The following DAGLB variants were observed in gnomAD, a reference collection of about 807,000 sequenced individuals.
DAGLB encodes diacylglycerol lipase beta, also known as diacylglycerol lipase-beta.
DAGLB carries 66 observed loss-of-function variants against 72.1 expected under a neutral mutation model. The ratio of observed to expected loss-of-function variants is 0.92; its 90% confidence interval spans 0.75 to 1.12. The LOEUF (loss-of-function observed/expected upper bound fraction) is 1.12, where lower values mean the gene tolerates loss of function less well. DAGLB is among the 50% of genes most tolerant of loss of function. The pLI, the probability that DAGLB is intolerant of heterozygous loss-of-function variation, is 0.00. For missense variants in DAGLB, 1,065 were observed against 884.9 expected (o/e 1.20, Z -2.58); for synonymous variants, 414 against 359.5 (o/e 1.15, Z -1.71).
At chr7:6,415,645 C>T (rs1342872354) in intron 11 of DAGLB, among the ~76,000 whole-genome samples, 1 of 151,350 alleles carries the variant, frequency 6.6e-6, no homozygotes, top group African/African-American at 2.4e-5. Flanking sequence ...GAGATCGAGA[C>T]CATCCTGGCT....
At chr7:6,424,725 G>T (rs1320865763) in intron 8 of DAGLB, 27 bp downstream of exon 8, 1 of 1,611,328 alleles carries the variant, frequency 6.2e-7, no homozygotes, top group East Asian at 2.2e-5. Flanking sequence ...CCACTCCCAG[G>T]GCTGGAAAGT....
At chr7:6,414,581 G>A (rs1783840623) in intron 11 of DAGLB, among the ~76,000 whole-genome samples, 1 of 152,096 alleles carries the variant, frequency 6.6e-6, no homozygotes, top group Non-Finnish European at 1.5e-5. Flanking sequence ...GGTTACAGGT[G>A]TGACCCAACA....
At chr7:6,436,183 G>A (rs948098884) in intron 3 of DAGLB, among the ~76,000 whole-genome samples, 179 bp downstream of exon 3, 2 of 152,026 alleles carry the variant, frequency 1.3e-5, no homozygotes, top group East Asian at 3.9e-4. Context: ...AACGAAAGAC[G>A]AGTTGTATTT....
chr7:6,418,401 GA>G (rs1175799675), intron 9 of DAGLB, among the ~76,000 whole-genome samples: 3 of 150,488 alleles, frequency 2.0e-5, no homozygotes, highest in Non-Finnish European at 3.0e-5. Flanking sequence ...ATAAATAAAA[GA>G]AAAAAAATAA....
At chr7:6,425,959 T>C (rs1784298216) in intron 7 of DAGLB, 29 bp downstream of exon 7, 2 of 1,611,384 alleles carry the variant, frequency 1.2e-6, no homozygotes, top group Non-Finnish European at 8.5e-7. Flanking sequence ...CCAAAAGAAG[T>C]GAAGAGCCGC....
intron 2 of DAGLB, among the ~76,000 whole-genome samples, chr7:6,437,596 T>C (rs904703967): frequency 2.0e-5 from 3 of 152,110 alleles, no homozygotes; most frequent in African/African-American, 4.8e-5. Context: ...CACGCTGAAA[T>C]AGGCCTCATA....
At chr7:6,418,542 C>T (rs767139299) in intron 9 of DAGLB, among the ~76,000 whole-genome samples, 9 of 152,124 alleles carry the variant, frequency 5.9e-5, no homozygotes, top group South Asian at 2.1e-4. Flanking sequence ...GTGCTGGGCT[C>T]GGAGAAAAGC....
intron 2 of DAGLB, among the ~76,000 whole-genome samples, 196 bp from the exon 3 acceptor site, chr7:6,436,729 G>A (rs1295761110): frequency 6.6e-6 from 1 of 152,170 alleles, no homozygotes; most frequent in Non-Finnish European, 1.5e-5. Flanking sequence ...AACGTGACAA[G>A]AAGTCCTGGG....
chr7:6,439,725 A>G (rs987590322), intron 2 of DAGLB, among the ~76,000 whole-genome samples: 1 of 152,172 alleles, frequency 6.6e-6, no homozygotes, highest in African/African-American at 2.4e-5. Flanking sequence ...AAGGTGCAAC[A>G]GTGGGATTTC....
intron 7 of DAGLB, among the ~76,000 whole-genome samples, chr7:6,425,294 T>A (rs957168715): frequency 6.6e-6 from 1 of 151,920 alleles, no homozygotes; most frequent in Non-Finnish European, 1.5e-5. Flanking sequence ...TTTTTTGAGA[T>A]GGCATCTTGC....
chr7:6,415,702 G>A (rs1450185259), intron 11 of DAGLB, among the ~76,000 whole-genome samples: 5 of 151,656 alleles, frequency 3.3e-5, no homozygotes, highest in South Asian at 2.1e-4. Flanking sequence ...AAAATTAGCC[G>A]GGTGTGGTGG....
chr7:6,441,481 G>A (rs1380313195), intron 2 of DAGLB, among the ~76,000 whole-genome samples: 2 of 148,230 alleles, frequency 1.3e-5, no homozygotes, highest in Non-Finnish European at 3.0e-5. Context: ...GCAATGGCGC[G>A]ATCTCGGCTC....
rs1784299040 is a variant in DAGLB at position 6,425,969 on chromosome 7, CT to C, written c.1056+18del. ...AGGACCCAAAAGAAGTGAAGAGCCG[CT>C]GTCTGCAGCGTCCACACCTTGTCAT... On this transcript the variant is annotated intron_variant, in intron 7 of 14. Coordinates refer to ENST00000297056, the MANE Select transcript of DAGLB (RefSeq NM_139179.4). 3 of 1,613,076 alleles carry C rather than the reference CT, an allele frequency of 1.9e-6. No homozygotes were observed. The African/African-American group carries it at 4.0e-5, about 22-fold the overall frequency.
At chr7:6,410,449 C>G in intron 13 of DAGLB, 69 bp from the exon 14 acceptor site, 2 of 1,528,578 alleles carry the variant, frequency 1.3e-6, no homozygotes, top group Non-Finnish European at 1.8e-6. Context: ...CCCGAAACAC[C>G]AAGGCGGACC....
At position 6,446,021 on chromosome 7, in the gene DAGLB, A is replaced by C. The variant is rs1349798020; in HGVS notation, c.179T>G (p.Ile60Ser). 4 of 1,613,918 alleles carry C rather than the reference A, an allele frequency of 2.5e-6. No individual in the cohort carries two copies. Among genetic ancestry groups the C allele is most frequent in the Non-Finnish European group, 3.4e-6 (4 of 1,179,960 alleles). ...AACTGCCAGGAGAATCATGAGGACG[A>C]TCAAGTAACTGCTGAGCAAGGCTCC... ...AGGALLSSYL[I>S]VLMILLAVVI... The change falls in exon 2 of 15, where the codon ATC (isoleucine) becomes AGC (serine). Residue 60 changes from isoleucine (I) to serine (S), a missense_variant. Coordinates refer to ENST00000297056, the MANE Select transcript of DAGLB (RefSeq NM_139179.4).
In DAGLB at chr7:6,426,031, C is replaced by T; in HGVS notation, c.1013G>A (p.Gly338Glu). 6.2e-7 allele frequency: 1 copy of T among 1,614,118 alleles called. No individual in the cohort carries two copies. The highest frequency in any genetic ancestry group is 8.5e-7 in the Non-Finnish European group (1 of 1,180,024). ...CHFGSILHTT[G>E]LQYRDFIHVS... is the part of the protein sequence containing the mutation. The stretch of plus-strand genomic sequence containing the variant: ...GTGGATGAAGTCCCTGTACTGCAGC[C>T]CTGTGGTGTGCAGGATGGAGCCGAA... Residue 338 changes from glycine to glutamate, a missense_variant, in exon 7 of 15, where the codon GGG becomes GAG. By Grantham distance (98) the Gly-to-Glu change is moderately conservative. Coordinates refer to ENST00000297056, the MANE Select transcript of DAGLB (RefSeq NM_139179.4).
intron 13 of DAGLB, 123 bp from the exon 14 acceptor site, chr7:6,410,503 G>A (rs1442330936): frequency 1.4e-6 from 2 of 1,415,160 alleles, no homozygotes; most frequent in Non-Finnish European, 1.9e-6. Context: ...CCGCTTGGAA[G>A]ACTCCAGCAA....
Position 6,445,969 on chromosome 7 carries a change from CAT to C in DAGLB, c.229_230del (p.Met77ValfsTer10), listed in dbSNP as rs1313732457. 7 of 1,602,280 alleles carry C rather than the reference CAT, an allele frequency of 4.4e-6. No homozygotes were observed. Among genetic ancestry groups the C allele is most frequent in the Non-Finnish European group, 6.0e-6 (7 of 1,176,438 alleles). ...AVVICTVSAI[M>X]CVSMRGTICN... ...ACTTTTTACCTCTCATGCTGACACA[CAT>C]GATGGCTGACACAGTACATATGACA... is the stretch of plus-strand genomic sequence containing the variant. On this transcript the variant is annotated frameshift_variant, in exon 2 of 15. Transcript: ENST00000297056. LOFTEE classifies it high-confidence loss of function.
chr7:6,447,121 G>C (rs575638083), intron 1 of DAGLB, among the ~76,000 whole-genome samples: 1 of 152,190 alleles, frequency 6.6e-6, no homozygotes, highest in African/African-American at 2.4e-5. Flanking sequence ...TAACAGGCGT[G>C]AGCCATGGCG....
Sources: allele counts gnomAD v4.1 joint callset (sites outside exome capture counted in the v4.1 genomes callset), GRCh38; gene constraint gnomAD v4.1.1; transcripts MANE v1.5; gene names NCBI Gene and HGNC (gene_info 2026-07-23, HGNC 2026-07-21).